DIP2C: variants seen among roughly 807,000 people sequenced by gnomAD.
DIP2C encodes the protein DIP2 acetate--CoA ligase C (putative).
DIP2C carries 33 observed loss-of-function variants against 192.4 expected under a neutral mutation model. The observed-to-expected ratio is 0.17, with a 90% CI of 0.13 to 0.23. The LOEUF (loss-of-function observed/expected upper bound fraction) is 0.23, where lower values mean the gene tolerates loss of function less well. Ranked by LOEUF, DIP2C falls within the 10% of genes least tolerant of loss-of-function variation. The pLI, the probability that DIP2C is intolerant of heterozygous loss-of-function variation, is 1.00. For missense variants in DIP2C, 1,537 were observed against 2,110.1 expected (o/e 0.73, Z 5.32); for synonymous variants, 979 against 864.1 (o/e 1.13, Z -2.33).
rs377557232 is a variant in DIP2C at position 283,256 on chromosome 10, C to A, written c.4294+16G>T. ...TGCCCATCTGTTGGGGGGGGGCCGC[C>A]AGCCTGGACTCTCACCTCCATTTGC... is the stretch of plus-strand genomic sequence containing the variant. On this transcript the variant is annotated intron_variant, in intron 35 of 36. Transcript: ENST00000280886. The A allele has an allele frequency of 6.2e-7, 1 of 1,611,772 alleles. No individual in the cohort carries two copies. The highest frequency in any genetic ancestry group is 2.2e-5 in the East Asian group (1 of 44,846).
chr10:282,702 G>A (rs1460423778), intron 35 of DIP2C, among the ~76,000 whole-genome samples: 4 of 152,356 alleles, frequency 2.6e-5, no homozygotes, highest in Middle Eastern at 3.4e-3. Context: ...TGGGGCAAAG[G>A]CAATGCTGTC....
chr10:288,527 T>A (rs1047704734), intron 32 of DIP2C, 106 bp from the exon 33 acceptor site: 3 of 1,186,358 alleles, frequency 2.5e-6, no homozygotes, highest in Non-Finnish European at 3.7e-6. Flanking sequence ...GGAAAGCTGA[T>A]TCTGAGCATC....
chr10:477,794 G>A (rs1214335140), intron 2 of DIP2C, among the ~76,000 whole-genome samples: 3 of 135,080 alleles, frequency 2.2e-5, no homozygotes, highest in Non-Finnish European at 3.2e-5. Flanking sequence ...GAGAAAGAAG[G>A]GAAGGAAGGA....
intron 1 of DIP2C, among the ~76,000 whole-genome samples, chr10:542,476 G>C (rs560787529): frequency 2.0e-5 from 3 of 152,224 alleles, no homozygotes; most frequent in Non-Finnish European, 4.4e-5. Context: ...ACTGCCAGCG[G>C]CCAGACGACC....
intron 10 of DIP2C, among the ~76,000 whole-genome samples, chr10:396,672 G>A (rs1964007930): frequency 6.6e-6 from 1 of 152,096 alleles, no homozygotes; most frequent in South Asian, 2.1e-4. Context: ...GTTAACTATA[G>A]TACTGAGGCT....
intron 4 of DIP2C, among the ~76,000 whole-genome samples, chr10:436,534 T>C (rs1967219278): frequency 6.8e-6 from 1 of 146,510 alleles, no homozygotes. Flanking sequence ...GTGGCCATGC[T>C]CCACCCACAC....
chr10:576,408 A>C (rs1298787841), intron 1 of DIP2C, among the ~76,000 whole-genome samples: 4 of 152,242 alleles, frequency 2.6e-5, no homozygotes, highest in Non-Finnish European at 2.9e-5. Context: ...GGTCTCAGCC[A>C]TGGGACAGCA....
In DIP2C at chr10:484,666, C is replaced by T. The variant is rs1218093699; in HGVS notation, c.157+1793G>A. 5 of 1,386,250 alleles carry T rather than the reference C, an allele frequency of 3.6e-6. No individual in the cohort carries two copies. In the South Asian group the frequency reaches 5.8e-5, roughly 16 times the overall value. The allele number at this position is 1,386,250 out of a possible 1,614,324, so 85.9% of individuals were successfully genotyped here. ...CGACCTGGCTCACTGGAGAATGGGACCCTCAGGCCCCCAAGGCCACACCCT... is the reference window on the plus strand; with the variant it reads ...CGACCTGGCTCACTGGAGAATGGGATCCTCAGGCCCCCAAGGCCACACCCT... On this transcript the variant is annotated intron_variant, in intron 2 of 36. Coordinates refer to ENST00000280886, the MANE Select transcript of DIP2C (RefSeq NM_014974.3).
At position 639,222 on chromosome 10, in the gene DIP2C, C is replaced by A. The variant is rs559455580; in HGVS notation, c.85+50272G>T. Among the ~76,000 whole-genome samples the A allele has an allele frequency of 1.2e-3, 179 of 146,286 alleles. 2 individuals carry two copies. The highest frequency in any genetic ancestry group is 4.2e-3 in the African/African-American group (165 of 39,090). On this transcript the variant is annotated intron_variant, in intron 1 of 36. Transcript: ENST00000280886. ...GGCCATCAGGGTGCTGCCCGGCTCA[C>A]GGTCCACACATGGGGACGCGTCAGG...
intron 28 of DIP2C, among the ~76,000 whole-genome samples, chr10:342,811 C>CATCTTCCT (rs1194630135): frequency 6.6e-6 from 1 of 152,224 alleles, no homozygotes; most frequent in Admixed American, 6.5e-5. Context: ...AGAGCTTCCG[C>CATCTTCCT]ATCTTCCTCT....
chr10:390,117 G>T (rs746738364), intron 12 of DIP2C, 24 bp from the exon 13 acceptor site: 1 of 1,608,302 alleles, frequency 6.2e-7, no homozygotes, highest in Non-Finnish European at 8.5e-7. Flanking sequence ...AAGCGTGAGG[G>T]AAGTGGGGCT....
At chr10:626,242 A>T (rs1854193868) in intron 1 of DIP2C, among the ~76,000 whole-genome samples, 1 of 152,186 alleles carries the variant, frequency 6.6e-6, no homozygotes. Context: ...ACTGGGGCGG[A>T]AACACCAGGG....
intron 1 of DIP2C, among the ~76,000 whole-genome samples, chr10:685,579 A>G (rs967898667): frequency 6.6e-6 from 1 of 152,174 alleles, no homozygotes; most frequent in Non-Finnish European, 1.5e-5. Context: ...GCACTGCCCA[A>G]AAAGATCAGT....
At chr10:414,594 C>T (rs1422308722) in intron 7 of DIP2C, among the ~76,000 whole-genome samples, 1 of 151,634 alleles carries the variant, frequency 6.6e-6, no homozygotes, top group African/African-American at 2.4e-5. Context: ...CCTGCAGCCT[C>T]GACCTCCCAG....
intron 10 of DIP2C, among the ~76,000 whole-genome samples, chr10:393,505 C>A (rs759071959): frequency 1.3e-5 from 2 of 152,172 alleles, no homozygotes; most frequent in Non-Finnish European, 2.9e-5. Context: ...AAGCCAGGCG[C>A]GATGGCTCAG....
At chr10:486,235 T>G (rs1208531148) in intron 2 of DIP2C, among the ~76,000 whole-genome samples, 1 of 152,262 alleles carries the variant, frequency 6.6e-6, no homozygotes, top group African/African-American at 2.4e-5. Flanking sequence ...TCTCTACTTA[T>G]AGAGAAAACA....
At chr10:380,149 GATGGTTAACGCA>G (rs2132870348) in intron 17 of DIP2C, among the ~76,000 whole-genome samples, 1 of 136,250 alleles carries the variant, frequency 7.3e-6, no homozygotes, top group East Asian at 2.5e-4. Flanking sequence ...GTCCCTGGAT[GATGGTTAACGCA>G]CAGAAGAGGC....
chr10:537,230 C>T (rs1049786988), intron 1 of DIP2C, among the ~76,000 whole-genome samples: 1 of 152,022 alleles, frequency 6.6e-6, no homozygotes, highest in African/African-American at 2.4e-5. Context: ...GAGGCAAGGC[C>T]GTATGAAGGA....
At chr10:317,835 T>A (rs1956841028) in intron 31 of DIP2C, among the ~76,000 whole-genome samples, 1 of 152,238 alleles carries the variant, frequency 6.6e-6, no homozygotes, top group African/African-American at 2.4e-5. Flanking sequence ...ACGTGAGACA[T>A]CCAAAAACAC....
Sources: allele counts gnomAD v4.1 joint callset (sites outside exome capture counted in the v4.1 genomes callset), GRCh38; gene constraint gnomAD v4.1.1; transcripts MANE v1.5; gene names NCBI Gene and HGNC (gene_info 2026-07-23, HGNC 2026-07-21).